The following GRM8 variants were observed in gnomAD, a reference collection of about 807,000 sequenced individuals.
GRM8 encodes the protein glutamate metabotropic receptor 8, also known as metabotropic glutamate receptor 8.
A neutral mutation model predicts 87.2 loss-of-function variants in GRM8; 47 were observed. That is an observed-to-expected ratio of 0.54 (90% CI 0.43 to 0.69). The LOEUF is 0.69. Among genes scored for constraint, GRM8 ranks in the 30% least tolerant of loss-of-function variants. GRM8 has a pLI of 0.00. For missense variants in GRM8, 1,019 were observed against 1,139.2 expected (o/e 0.89, Z 1.52); for synonymous variants, 396 against 404.5 (o/e 0.98, Z 0.25).
intron 8 of GRM8, among the ~76,000 whole-genome samples, chr7:126,540,166 A>T (rs1816367213): frequency 6.6e-6 from 1 of 152,176 alleles, no homozygotes; most frequent in African/African-American, 2.4e-5. Context: ...ACATGTCCCA[A>T]AGAAGATATA....
chr7:126,947,077 T>A (rs1195387013), intron 3 of GRM8, among the ~76,000 whole-genome samples: 1 of 152,172 alleles, frequency 6.6e-6, no homozygotes, highest in Non-Finnish European at 1.5e-5. Context: ...TTTTAGCACA[T>A]CTTCTAGCAT....
intron 3 of GRM8, among the ~76,000 whole-genome samples, chr7:126,944,274 T>A (rs1030188466): frequency 1.3e-5 from 2 of 151,960 alleles, no homozygotes; most frequent in Non-Finnish European, 2.9e-5. Flanking sequence ...TCAGAAGCCA[T>A]GAATAAATAC....
intron 7 of GRM8, among the ~76,000 whole-genome samples, chr7:126,619,994 A>G (rs1420710907): frequency 6.6e-6 from 1 of 151,956 alleles, no homozygotes; most frequent in Non-Finnish European, 1.5e-5. Context: ...CCCAGCCAAA[A>G]GTGGATTAAT....
intron 3 of GRM8, among the ~76,000 whole-genome samples, chr7:127,014,208 C>T (rs1815174080): frequency 6.6e-6 from 1 of 152,178 alleles, no homozygotes; most frequent in South Asian, 2.1e-4. Flanking sequence ...GCCTCAAAGA[C>T]AGTGGAGCAA....
intron 2 of GRM8, among the ~76,000 whole-genome samples, chr7:127,187,603 C>T (rs1258636027): frequency 5.9e-5 from 9 of 152,124 alleles, no homozygotes; most frequent in African/African-American, 1.4e-4. Context: ...GTCACATACG[C>T]GCATTTGGTG....
rs185701343 is a variant in GRM8, at chr7:126,732,408, T to C, written c.1357+37457A>G. On this transcript the variant is annotated intron_variant, in intron 7 of 10. Transcript: ENST00000339582. ...CCAATTAACACATTCTTTTTATTCT[T>C]TTGAATTTTGCATCTTGTGTGAATT... is the stretch of plus-strand genomic sequence containing the variant. Among the ~76,000 whole-genome samples, 92 of 152,272 alleles carry C rather than the reference T, an allele frequency of 6.0e-4. 1 individual carries two copies. The highest frequency in any genetic ancestry group is 1.9e-3 in the African/African-American group (80 of 41,582).
intron 3 of GRM8, among the ~76,000 whole-genome samples, chr7:126,998,024 C>G (rs1813351480): frequency 6.6e-6 from 1 of 151,830 alleles, no homozygotes. Flanking sequence ...TAGAAAAATC[C>G]TCACAAAATA....
rs137911873 is a variant in GRM8, at chr7:126,769,919, T to C, written c.1303A>G (p.Ser435Gly). The C allele has an allele frequency of 6.2e-7, 1 of 1,612,798 alleles. No homozygotes were observed. Among genetic ancestry groups the C allele is most frequent in the Non-Finnish European group, 8.5e-7 (1 of 1,179,136 alleles). Residue 435 changes from serine (S) to glycine (G), a missense_variant, in exon 7 of 11, where the codon AGT becomes GGT. Physicochemically the swap from Ser to Gly is moderately conservative, Grantham distance 56. Coordinates refer to ENST00000339582, the MANE Select transcript of GRM8 (RefSeq NM_000845.3). ...PGYIGLCPRM[S>G]TIDGKELLGY... ...AGTAGCTCTTTCCCATCAATGGTAC[T>C]CATTCGTGGACAAAGGCCAATGTAT...
At chr7:126,688,738 T>TAACACACA (rs1563093472) in intron 7 of GRM8, among the ~76,000 whole-genome samples, 9 of 101,154 alleles carry the variant, frequency 8.9e-5, no homozygotes, top group African/African-American at 4.3e-4. Flanking sequence ...TCTCTCTTTC[T>TAACACACA]GACACACACA....
intron 6 of GRM8, among the ~76,000 whole-genome samples, chr7:126,810,881 T>C (rs1017674896): frequency 6.6e-6 from 1 of 152,106 alleles, no homozygotes; most frequent in Non-Finnish European, 1.5e-5. Context: ...TAAGGTCTCC[T>C]TTAGAGTACA....
chr7:126,825,904 T>G (rs184185435), intron 6 of GRM8, among the ~76,000 whole-genome samples: 4,178 of 144,094 alleles, frequency 0.029, 205 homozygotes, highest in African/African-American at 0.1. Flanking sequence ...CAGAGTGTGA[T>G]GTTCCCCTTC....
Position 126,714,115 on chromosome 7 carries a change from A to G in GRM8, c.1357+55750T>C, listed in dbSNP as rs566905167. Among the ~76,000 whole-genome samples the G allele has an allele frequency of 1.9e-3, 293 of 150,834 alleles. 1 individual carries two copies. Among genetic ancestry groups the G allele is most frequent in the Non-Finnish European group, 3.7e-3 (247 of 67,668 alleles). On this transcript the variant is annotated intron_variant, in intron 7 of 10. Transcript: ENST00000339582. ...TGTGAAACCTCATCTTTACTAAAAA[A>G]AAAAATACAAAAATTAGCTGGGTGT... is the stretch of plus-strand genomic sequence containing the variant.
intron 9 of GRM8, among the ~76,000 whole-genome samples, chr7:126,500,185 T>A (rs1809432701): frequency 6.6e-6 from 1 of 151,994 alleles, no homozygotes; most frequent in South Asian, 2.1e-4. Flanking sequence ...CCTGTCTTAC[T>A]GAAATTTTGT....
Position 127,061,013 on chromosome 7 carries a change from A to G in GRM8, c.727+45483T>C, listed in dbSNP as rs569849690. 2.6e-5 allele frequency among the ~76,000 whole-genome samples: 4 copies of G among 152,278 alleles called. No homozygotes were observed. The South Asian group carries it at 8.3e-4, about 32-fold the overall frequency. On this transcript the variant is annotated intron_variant, in intron 3 of 10. Transcript: ENST00000339582. ...GTGGGGCTGAACATGTTCATATGAA[A>G]CTTGCCTGCCTCCATGTTGCACACC... is the stretch of plus-strand genomic sequence containing the variant.
At chr7:126,572,935 C>G (rs1194078139) in intron 8 of GRM8, among the ~76,000 whole-genome samples, 1 of 151,986 alleles carries the variant, frequency 6.6e-6, no homozygotes, top group Non-Finnish European at 1.5e-5. Context: ...GAATGCATAA[C>G]CACAAACGGT....
intron 3 of GRM8, among the ~76,000 whole-genome samples, chr7:126,993,863 G>C (rs1418554735): frequency 1.3e-5 from 2 of 152,166 alleles, no homozygotes; most frequent in Non-Finnish European, 2.9e-5. Flanking sequence ...TGCTACTGCA[G>C]GCTAAACTGC....
chr7:127,073,233 C>T (rs1821902532), intron 3 of GRM8, among the ~76,000 whole-genome samples: 1 of 152,160 alleles, frequency 6.6e-6, no homozygotes, highest in Non-Finnish European at 1.5e-5. Context: ...ATCAGCCACA[C>T]AAAAGGCATG....
At chr7:126,912,729 T>A (rs946635205) in intron 3 of GRM8, among the ~76,000 whole-genome samples, 7 of 152,200 alleles carry the variant, frequency 4.6e-5, no homozygotes, top group African/African-American at 1.4e-4. Flanking sequence ...ATCTTGAAGG[T>A]CAATTCACCA....
intron 2 of GRM8, among the ~76,000 whole-genome samples, chr7:127,232,208 TGTGTGA>T (rs1395814959): frequency 1.8e-3 from 261 of 147,220 alleles, no homozygotes; most frequent in Middle Eastern, 6.9e-3. Flanking sequence ...TGTGTGTGTG[TGTGTGA>T]GAGAGAGAGA....
Sources: gnomAD v4.1 joint callset for allele counts (sites outside exome capture counted in the v4.1 genomes callset) on GRCh38, gnomAD v4.1.1 for gene constraint, MANE v1.5 for transcripts, NCBI Gene and HGNC (gene_info 2026-07-23, HGNC 2026-07-21) for gene names.